Variants in DCC observed in about 807,000 individuals in gnomAD.
DCC encodes netrin receptor DCC.
A neutral mutation model predicts 172.5 loss-of-function variants in DCC; 58 were observed. The observed-to-expected ratio is 0.34, with a 90% CI of 0.27 to 0.42. The LOEUF is 0.42. DCC is among the 10% of genes least tolerant of loss of function. DCC has a pLI of 1.00. For missense variants in DCC, 1,740 were observed against 1,791.0 expected, an observed-to-expected ratio of 0.97 and a Z score of 0.51; for synonymous variants, 709 against 644.5, an observed-to-expected ratio of 1.10 and a Z score of -1.52.
chr18:53,015,015 G>A (rs982518939), intron 5 of DCC, among the ~76,000 whole-genome samples: 12 of 152,054 alleles, frequency 7.9e-5, no homozygotes, highest in Non-Finnish European at 1.6e-4. Context: ...CTCTACTAAG[G>A]GAAGGAAAAT....
At chr18:52,857,383 C>T (rs1238675704) in intron 2 of DCC, among the ~76,000 whole-genome samples, 1 of 151,960 alleles carries the variant, frequency 6.6e-6, no homozygotes. Context: ...GAAAGATGGT[C>T]CACTTAACTA....
chr18:53,141,952 T>G (rs922928482), intron 7 of DCC, among the ~76,000 whole-genome samples: 1 of 152,192 alleles, frequency 6.6e-6, no homozygotes, highest in African/African-American at 2.4e-5. Context: ...AAACAAACCC[T>G]GTCCAACATG....
intron 7 of DCC, among the ~76,000 whole-genome samples, chr18:53,097,346 C>T (rs964020874): frequency 6.6e-6 from 1 of 152,188 alleles, no homozygotes; most frequent in East Asian, 1.9e-4. Flanking sequence ...ATCCTGCTAA[C>T]ACTACATCCT....
intron 20 of DCC, among the ~76,000 whole-genome samples, chr18:53,415,211 C>T (rs62100052): frequency 0.039 from 5,922 of 152,230 alleles, 163 homozygotes; most frequent in Non-Finnish European, 0.063. Context: ...TTATCAGTTG[C>T]TGCCTATTAT....
intron 22 of DCC, among the ~76,000 whole-genome samples, chr18:53,448,199 C>T (rs957287468): frequency 4.6e-5 from 7 of 152,014 alleles, no homozygotes; most frequent in Admixed American, 2.0e-4. Context: ...TGTATTAATA[C>T]GTTCTTACAA....
intron 1 of DCC, among the ~76,000 whole-genome samples, chr18:52,596,360 A>G (rs1407396799): frequency 6.6e-6 from 1 of 152,204 alleles, no homozygotes; most frequent in East Asian, 1.9e-4. Context: ...CTCACTGGTG[A>G]GTTCAACAGT....
chr18:52,544,375 T>C (rs1050066567), intron 1 of DCC, among the ~76,000 whole-genome samples: 1 of 152,194 alleles, frequency 6.6e-6, no homozygotes, highest in Non-Finnish European at 1.5e-5. Flanking sequence ...AGATGGTCAT[T>C]TGGTCTATTT....
chr18:52,873,970 T>A (rs1027714284), intron 2 of DCC, among the ~76,000 whole-genome samples: 2 of 152,212 alleles, frequency 1.3e-5, no homozygotes, highest in Non-Finnish European at 1.5e-5. Context: ...TTCCTTTTGT[T>A]CTCAACTCTC....
intron 12 of DCC, among the ~76,000 whole-genome samples, chr18:53,284,136 T>C (rs9966618): frequency 0.18 from 27,944 of 152,156 alleles, 4,073 homozygotes; most frequent in African/African-American, 0.4. Context: ...TCAAACCCTC[T>C]GAAAGAATAC....
chr18:52,912,828 A>G (rs1195685914), intron 3 of DCC, among the ~76,000 whole-genome samples: 1 of 151,998 alleles, frequency 6.6e-6, no homozygotes, highest in Non-Finnish European at 1.5e-5. Flanking sequence ...ACTCACCCTC[A>G]ACTCTGCCTT....
intron 12 of DCC, among the ~76,000 whole-genome samples, chr18:53,242,237 T>C (rs182131531): frequency 1.3e-5 from 2 of 152,172 alleles, no homozygotes; most frequent in East Asian, 3.9e-4. Context: ...ATTTAGAAAG[T>C]AAAGGAGAGC....
chr18:53,045,780 C>A (rs375801095), intron 5 of DCC, among the ~76,000 whole-genome samples: 181 of 151,948 alleles, frequency 1.2e-3, no homozygotes, highest in African/African-American at 4.0e-3. Context: ...GAGAGTTCTT[C>A]CCGACTAAAA....
chr18:52,881,138 C>G (rs116420091), intron 2 of DCC, among the ~76,000 whole-genome samples: 2,299 of 152,118 alleles, frequency 0.015, 42 homozygotes, highest in African/African-American at 0.039. Context: ...TCATATGCCT[C>G]TTTGCCATTT....
intron 1 of DCC, among the ~76,000 whole-genome samples, chr18:52,721,920 A>T (rs2036479642): frequency 6.6e-6 from 1 of 152,150 alleles, no homozygotes; most frequent in Admixed American, 6.5e-5. Flanking sequence ...GCTACTTGGG[A>T]GGCTGAGGCA....
intron 1 of DCC, among the ~76,000 whole-genome samples, chr18:52,490,043 G>GT (rs1467052261): frequency 2.0e-5 from 3 of 152,080 alleles, no homozygotes; most frequent in Admixed American, 2.0e-4. Context: ...TCCTTCTACG[G>GT]TTTTTTGAAG....
chr18:52,755,062 G>A lies in DCC; in HGVS notation c.412+2688G>A, dbSNP rs570693834. Among the ~76,000 whole-genome samples the A allele has an allele frequency of 3.3e-5, 5 of 152,314 alleles. No individual in the cohort carries two copies. The South Asian group carries it at 1.0e-3, about 32-fold the overall frequency. ...AATTATGATTGATTAGGAGAAACAA[G>A]TGGAATAAATCCTTCAGATTTGGTA... On this transcript the variant is annotated intron_variant, in intron 2 of 28. Coordinates refer to ENST00000442544, the MANE Select transcript of DCC (RefSeq NM_005215.4).
chr18:53,168,430 C>G lies in DCC; in HGVS notation c.1419-10532C>G, dbSNP rs550671297. On this transcript the variant is annotated intron_variant, in intron 8 of 28. Coordinates refer to ENST00000442544, the MANE Select transcript of DCC (RefSeq NM_005215.4). ...GTCCTTTGCAGGGACATGGATGAAG[C>G]TGGAAACCATCATTCTCAGCAAACT... Among the ~76,000 whole-genome samples, 11 of 152,050 alleles carry G rather than the reference C, an allele frequency of 7.2e-5. No individual in the cohort carries two copies. In the South Asian group the frequency reaches 2.3e-3, roughly 32 times the overall value.
chr18:52,730,744 A>G (rs1208181984), intron 1 of DCC, among the ~76,000 whole-genome samples: 1 of 152,154 alleles, frequency 6.6e-6, no homozygotes, highest in East Asian at 1.9e-4. Flanking sequence ...GGAATCTGGA[A>G]GGGTTAGGAT....
intron 22 of DCC, among the ~76,000 whole-genome samples, chr18:53,444,310 G>A (rs1912458978): frequency 6.6e-6 from 1 of 152,170 alleles, no homozygotes; most frequent in Non-Finnish European, 1.5e-5. Flanking sequence ...GGGAAGCCAA[G>A]TTGGGCAGAC....
Sources: allele counts gnomAD v4.1 joint callset (sites outside exome capture counted in the v4.1 genomes callset), GRCh38; gene constraint gnomAD v4.1.1; transcripts MANE v1.5; gene names NCBI Gene and HGNC (gene_info 2026-07-23, HGNC 2026-07-21).